KLF8: variants seen among roughly 807,000 people sequenced by gnomAD.
The protein encoded by KLF8 is KLF transcription factor 8.
A neutral mutation model predicts 18.2 loss-of-function variants in KLF8; 10 were observed. The observed-to-expected ratio is 0.55, with a 90% CI of 0.34 to 0.93. KLF8 has a LOEUF of 0.93. KLF8 is among the 40% of genes least tolerant of loss of function. KLF8 has a pLI of 0.02. For synonymous variants in KLF8, 109 were observed against 97.3 expected, an observed-to-expected ratio of 1.12 and a Z score of -0.71; for missense variants, 264 against 277.9, an observed-to-expected ratio of 0.95 and a Z score of 0.36.
At chrX:56,219,473 G>A in the KLF8 span, among the ~76,000 whole-genome samples, 1 of 111,907 alleles carries the variant, frequency 8.9e-6, no homozygotes, top group Non-Finnish European at 1.9e-5. Context: ...TTGCTAAAGC[G>A]CCAGGCTTGT....
At chrX:55,981,960 G>A in the KLF8 span, among the ~76,000 whole-genome samples, 1 of 111,217 alleles carries the variant, frequency 9.0e-6, no homozygotes, top group African/African-American at 3.3e-5. Flanking sequence ...CTGGGCTTTA[G>A]GGCTTTTTTT....
the KLF8 span, among the ~76,000 whole-genome samples, chrX:56,114,909 C>T: frequency 8.9e-6 from 1 of 112,154 alleles, no homozygotes; most frequent in South Asian, 3.7e-4. Context: ...TTTTTACTCA[C>T]TACGCTGACT....
the KLF8 span, among the ~76,000 whole-genome samples, chrX:56,141,220 G>A: frequency 2.7e-5 from 3 of 111,877 alleles, no homozygotes; most frequent in Admixed American, 9.5e-5. Flanking sequence ...GCTTTCCTTG[G>A]CCTCCCAATG....
chrX:56,066,013 G>T, the KLF8 span, among the ~76,000 whole-genome samples: 1 of 111,563 alleles, frequency 9.0e-6, no homozygotes, highest in African/African-American at 3.3e-5. Context: ...CAAACAGCTT[G>T]CTCAGGTACA....
chrX:56,213,306 TTTC>T, the KLF8 span, among the ~76,000 whole-genome samples: 17 of 50,379 alleles, frequency 3.4e-4, no homozygotes, highest in African/African-American at 1.5e-3. Context: ...TTTCTTTTCT[TTTC>T]TTTTCTTTTT....
chrX:55,941,242 C>A, the KLF8 span, among the ~76,000 whole-genome samples: 1 of 111,966 alleles, frequency 8.9e-6, no homozygotes, highest in Non-Finnish European at 1.9e-5. Flanking sequence ...TTATCTTTGA[C>A]AAACCTGACA....
chrX:55,925,171 A>AT, the KLF8 span, among the ~76,000 whole-genome samples: 760 of 70,003 alleles, frequency 0.011, 18 homozygotes, highest in African/African-American at 0.042. Context: ...TGGTGGTTTC[A>AT]TTTTTTTTTT....
At chrX:56,129,562 A>G in the KLF8 span, among the ~76,000 whole-genome samples, 4 of 111,534 alleles carry the variant, frequency 3.6e-5, no homozygotes, top group Middle Eastern at 4.6e-3. Context: ...GACTTGTCTC[A>G]CAGGAGTCCT....
chrX:56,248,337 G>A (rs977731404), intron 1 of KLF8, among the ~76,000 whole-genome samples: 1 of 111,354 alleles, frequency 9.0e-6, no homozygotes, highest in Non-Finnish European at 1.9e-5. Context: ...GTATCTGTGG[G>A]TCATCGTTGA....
At chrX:56,252,467 T>C (rs1013456914) in intron 2 of KLF8, among the ~76,000 whole-genome samples, 2 of 112,211 alleles carry the variant, frequency 1.8e-5, no homozygotes, top group Non-Finnish European at 3.8e-5. Context: ...AATAAGAACA[T>C]GTGATATTTG....
the KLF8 span, among the ~76,000 whole-genome samples, chrX:56,034,748 C>CTTTTTTT: frequency 8.9e-3 from 476 of 53,781 alleles, 1 homozygote; most frequent in Non-Finnish European, 0.011. Context: ...GAACTTATTT[C>CTTTTTTT]TTTTTTTTTT....
the KLF8 span, among the ~76,000 whole-genome samples, chrX:55,943,604 G>A: frequency 9.0e-6 from 1 of 111,670 alleles, no homozygotes; most frequent in Non-Finnish European, 1.9e-5. Context: ...TAGTGAAGAA[G>A]GCATGGGCTT....
At chrX:56,024,356 C>T in the KLF8 span, among the ~76,000 whole-genome samples, 1 of 110,479 alleles carries the variant, frequency 9.1e-6, no homozygotes, top group African/African-American at 3.3e-5. Flanking sequence ...TACAGGCTCG[C>T]ACCACCACAC....
At chrX:56,240,949 A>G (rs2066536185) in intron 1 of KLF8, among the ~76,000 whole-genome samples, 1 of 111,667 alleles carries the variant, frequency 9.0e-6, no homozygotes, top group Non-Finnish European at 1.9e-5. Flanking sequence ...ACGTTTACCT[A>G]TGTAACAAAC....
the KLF8 span, among the ~76,000 whole-genome samples, chrX:55,917,911 A>G: frequency 8.9e-6 from 1 of 112,086 alleles, no homozygotes; most frequent in Non-Finnish European, 1.9e-5. Flanking sequence ...CACAGCTAGC[A>G]TTTGTCGTCT....
the KLF8 span, among the ~76,000 whole-genome samples, chrX:56,031,558 C>T: frequency 9.0e-6 from 1 of 111,718 alleles, no homozygotes; most frequent in Non-Finnish European, 1.9e-5. Context: ...TGAGGCGTTC[C>T]ACCGGGCCAA....
chrX:55,984,773 C>T, the KLF8 span, among the ~76,000 whole-genome samples: 2 of 110,926 alleles, frequency 1.8e-5, no homozygotes, highest in African/African-American at 6.6e-5. Context: ...TTCTCCACGA[C>T]CTTGCTAGTA....
chrX:56,141,411 C>A, the KLF8 span, among the ~76,000 whole-genome samples: 1 of 110,923 alleles, frequency 9.0e-6, no homozygotes, highest in African/African-American at 3.3e-5. Flanking sequence ...CTTTGTTATT[C>A]CCAAATGAAT....
At chrX:56,028,432 T>G in the KLF8 span, among the ~76,000 whole-genome samples, 1 of 111,389 alleles carries the variant, frequency 9.0e-6, no homozygotes, top group African/African-American at 3.3e-5. Flanking sequence ...GTGCTCCCCT[T>G]TCTGAATAGT....
Sources: gnomAD v4.1 joint callset for allele counts (sites outside exome capture counted in the v4.1 genomes callset) on GRCh38, gnomAD v4.1.1 for gene constraint, MANE v1.5 for transcripts, NCBI Gene and HGNC (gene_info 2026-07-23, HGNC 2026-07-21) for gene names.